GPR20: variants seen among roughly 807,000 people sequenced by gnomAD.
GPR20 encodes CTD-3064M3.3.
For synonymous variants in GPR20, 241 were observed against 241.9 expected (o/e 1.00, Z 0.04); for missense variants, 494 against 527.4 (o/e 0.94, Z 0.62).
intron 1 of GPR20, among the ~76,000 whole-genome samples, chr8:141,358,242 C>T (rs978848309): frequency 1.3e-5 from 2 of 152,218 alleles, no homozygotes; most frequent in African/African-American, 2.4e-5. Context: ...CGTCCTGGCA[C>T]GAGGGGGAGG....
rs34826557 is a variant in GPR20 at position 141,356,967 on chromosome 8, C to G, written c.957G>C (p.Glu319Asp). The stretch of plus-strand genomic sequence containing the variant: ...TGCTGACCACGTCACCGCTGCTGGG[C>G]TCACGCTCTCCGTGCTGGCCGAAGA... ...RGLFGQHGER[E>D]PSSGDVVSMH... is the part of the protein sequence containing the mutation. Residue 319 changes from glutamate to aspartate, a missense_variant, in exon 2 of 2, where the codon GAG becomes GAC. Coordinates refer to ENST00000377741, the MANE Select transcript of GPR20 (RefSeq NM_005293.3). 4 of 1,613,140 alleles carry G rather than the reference C, an allele frequency of 2.5e-6. No individual in the cohort carries two copies. The highest frequency in any genetic ancestry group is 3.4e-6 in the Non-Finnish European group (4 of 1,179,992).
At chr8:141,359,760 T>C (rs1831706721) in intron 1 of GPR20, among the ~76,000 whole-genome samples, 1 of 152,154 alleles carries the variant, frequency 6.6e-6, no homozygotes, top group South Asian at 2.1e-4. Flanking sequence ...CTCAGGGCTG[T>C]GGGCTTCAGG....
chr8:141,360,088 C>T (rs1831711214), intron 1 of GPR20, among the ~76,000 whole-genome samples: 1 of 152,160 alleles, frequency 6.6e-6, no homozygotes. Flanking sequence ...ACCAGCAACG[C>T]TGCGGTGCTG....
Position 141,357,887 on chromosome 8 carries a change from C to A in GPR20, c.37G>T (p.Ala13Ser). The A allele has an allele frequency of 3.1e-6, 5 of 1,593,890 alleles. No homozygotes were observed. Among genetic ancestry groups the A allele is most frequent in the Non-Finnish European group, 2.6e-6 (3 of 1,168,130 alleles). ...GTCACTGCGGTGGCATTGGGGACTG[C>A]CCCGGCCGAGGGCCCCGCTGGAGAC... is the stretch of plus-strand genomic sequence containing the variant. ...SVSPAGPSAG[A>S]VPNATAVTTV... is the part of the protein sequence containing the mutation. The change falls in exon 2 of 2, where the codon GCA (alanine) becomes TCA (serine). Residue 13 changes from alanine (A) to serine (S), a missense_variant. By Grantham distance (99) the Ala-to-Ser change is moderately conservative. Transcript: ENST00000377741.
chr8:141,364,119 C>T (rs996378943), intron 1 of GPR20, among the ~76,000 whole-genome samples: 3 of 152,208 alleles, frequency 2.0e-5, no homozygotes, highest in Non-Finnish European at 4.4e-5. Flanking sequence ...CGGCACAGGC[C>T]GGAGTGGAGC....
At chr8:141,365,543 A>G (rs1831802466) in intron 1 of GPR20, among the ~76,000 whole-genome samples, 1 of 152,198 alleles carries the variant, frequency 6.6e-6, no homozygotes, top group African/African-American at 2.4e-5. Flanking sequence ...CACTGCGGGC[A>G]CAAATGGGTC....
rs1010195711 is a variant in GPR20 at position 141,356,683 on chromosome 8, C to A, written c.*164G>T. ...CCATCGGAGCCAGTGGCAGACATTG[C>A]TAATCAACCACAGCACAGTGGCCTT... On this transcript the variant is annotated 3_prime_UTR_variant, in exon 2 of 2. Coordinates refer to ENST00000377741, the MANE Select transcript of GPR20 (RefSeq NM_005293.3). The A allele has an allele frequency of 1.3e-5, 7 of 547,190 alleles. No homozygotes were observed. Among genetic ancestry groups the A allele is most frequent in the Admixed American group, 3.5e-5 (1 of 28,602 alleles). The allele number at this position is 547,190 out of a possible 1,614,324, so 33.9% of individuals were successfully genotyped here.
At chr8:141,363,059 C>A (rs1831760103) in intron 1 of GPR20, among the ~76,000 whole-genome samples, 1 of 152,242 alleles carries the variant, frequency 6.6e-6, no homozygotes, top group Non-Finnish European at 1.5e-5. Context: ...GGCCCCATCA[C>A]CACTCTTGAT....
At chr8:141,359,997 T>A (rs1019678033) in intron 1 of GPR20, among the ~76,000 whole-genome samples, 16 of 152,208 alleles carry the variant, frequency 1.1e-4, no homozygotes, top group Admixed American at 9.2e-4. Context: ...ACGTTTCCTG[T>A]GGGAGTGAGT....
At chr8:141,362,814 C>T (rs1180081854) in intron 1 of GPR20, among the ~76,000 whole-genome samples, 2 of 151,474 alleles carry the variant, frequency 1.3e-5, no homozygotes, top group African/African-American at 4.9e-5. Context: ...AGTGCTGTGG[C>T]GAAATGTCGG....
intron 1 of GPR20, among the ~76,000 whole-genome samples, chr8:141,358,607 A>G (rs1241206681): frequency 1.2e-4 from 18 of 152,044 alleles, no homozygotes; most frequent in Non-Finnish European, 1.5e-5. Flanking sequence ...CTCCGGGACC[A>G]CCCATCTGTT....
intron 1 of GPR20, among the ~76,000 whole-genome samples, chr8:141,366,136 A>C (rs1453704989): frequency 6.6e-6 from 1 of 152,220 alleles, no homozygotes; most frequent in African/African-American, 2.4e-5. Flanking sequence ...GCTGCTCAGA[A>C]ATGGTCCAAA....
Position 141,360,091 on chromosome 8 carries a change from C to T in GPR20, c.-24-2144G>A, listed in dbSNP as rs936921179. ...CCCAGCAGGCTCACCAGCAACGCTG[C>T]GGTGCTGGGGTCCTGGCTAGGGATG... On this transcript the variant is annotated intron_variant, in intron 1 of 1. Coordinates refer to ENST00000377741, the MANE Select transcript of GPR20 (RefSeq NM_005293.3). 3.3e-5 allele frequency among the ~76,000 whole-genome samples: 5 copies of T among 152,038 alleles called. No homozygotes were observed. The South Asian group carries it at 6.2e-4, about 19-fold the overall frequency.
At chr8:141,359,909 T>A (rs866341330) in intron 1 of GPR20, among the ~76,000 whole-genome samples, 26 of 152,244 alleles carry the variant, frequency 1.7e-4, no homozygotes, top group African/African-American at 6.0e-4. Flanking sequence ...CCTTTCTATG[T>A]GCCTTTTGCT....
chr8:141,363,364 G>A (rs1831767793), intron 1 of GPR20, among the ~76,000 whole-genome samples: 1 of 152,252 alleles, frequency 6.6e-6, no homozygotes. Context: ...GGGCCAACAC[G>A]TGTGCTCAGT....
rs139237926 is a variant in GPR20 at position 141,356,957 on chromosome 8, C to A, written c.967G>T (p.Gly323Cys). 1 of 1,613,076 alleles carries A rather than the reference C, an allele frequency of 6.2e-7. No individual in the cohort carries two copies. ...GQHGEREPSS[G>C]DVVSMHRSSK... is the part of the protein sequence containing the mutation. ...CTCCTGTGCATGCTGACCACGTCAC[C>A]GCTGCTGGGCTCACGCTCTCCGTGC... The change falls in exon 2 of 2, where the codon GGT (glycine) becomes TGT (cysteine). Residue 323 changes from glycine (G) to cysteine (C), a missense_variant. By Grantham distance (159) the Gly-to-Cys change is radical. Transcript: ENST00000377741.
In GPR20 at chr8:141,362,156, T is replaced by C. The variant is rs114962893; in HGVS notation, c.-24-4209A>G. The stretch of plus-strand genomic sequence containing the variant: ...CTACTAGCGGGGCCTAAACACTCCA[T>C]GCGCCCTCCAGGCCCAACCCCAAGC... On this transcript the variant is annotated intron_variant, in intron 1 of 1. Coordinates refer to ENST00000377741, the MANE Select transcript of GPR20 (RefSeq NM_005293.3). Among the ~76,000 whole-genome samples, 546 of 152,308 alleles carry C rather than the reference T, an allele frequency of 3.6e-3. 7 individuals carry two copies. Among genetic ancestry groups the C allele is most frequent in the African/African-American group, 0.013 (527 of 41,566 alleles).
chr8:141,357,147 G>T lies in GPR20; in HGVS notation c.777C>A (p.Ala259=). 2.5e-6 allele frequency: 4 copies of T among 1,609,542 alleles called. No individual in the cohort carries two copies. The highest frequency in any genetic ancestry group is 2.5e-6 in the Non-Finnish European group (3 of 1,179,638). Residue 259 remains alanine, a synonymous_variant, in exon 2 of 2, where the codon GCC becomes GCA. Transcript: ENST00000377741. The stretch of plus-strand genomic sequence containing the variant: ...GCCACAGCGCCACGGCCACTTGGCG[G>T]GCGTGGAAGGGCGTGAAGCAGACGA... ...IFLVCFTPFH[A]RQVAVALWPD...
chr8:141,357,176 AGAT>A lies in GPR20; in HGVS notation c.745_747del (p.Ile249del). The A allele has an allele frequency of 6.2e-7, 1 of 1,603,054 alleles. No individual in the cohort carries two copies. Among genetic ancestry groups the A allele is most frequent in the East Asian group, 2.2e-5 (1 of 44,636 alleles). ...TGGAAGGGCGTGAAGCAGACGAGAA[AGAT>A]GATGAGCACCGTGAGCAGGAGCTGC... On this transcript the variant is annotated inframe_deletion, in exon 2 of 2. Coordinates refer to ENST00000377741, the MANE Select transcript of GPR20 (RefSeq NM_005293.3).
Sources: gnomAD v4.1 joint callset for allele counts (sites outside exome capture counted in the v4.1 genomes callset) on GRCh38, gnomAD v4.1.1 for gene constraint, MANE v1.5 for transcripts, NCBI Gene and HGNC (gene_info 2026-07-23, HGNC 2026-07-21) for gene names.